The following DNM2 variants were observed in gnomAD, a reference collection of about 807,000 sequenced individuals.
The protein encoded by DNM2 is dynamin 2.
In DNM2, 15 loss-of-function variants were observed where a neutral mutation model predicts 99.0. The ratio of observed to expected loss-of-function variants is 0.15; its 90% CI spans 0.10 to 0.23. The LOEUF (loss-of-function observed/expected upper bound fraction) is 0.23. Ranked by LOEUF, DNM2 falls within the 10% of genes least tolerant of loss-of-function variation. DNM2 has a pLI of 1.00. For missense variants in DNM2, 742 were observed against 1,189.4 expected (o/e 0.62, Z 5.53); for synonymous variants, 525 against 481.2 (o/e 1.09, Z -1.19).
Position 10,796,298 on chromosome 19 carries a change from C to T in DNM2, c.1196+859C>T, listed in dbSNP as rs1032383765. ...GCGCCTCATTGGCCCCCACTGGTGCCTTTTCTCCCCATATCGCTTTGTGTC... is the reference window on the plus strand; with the variant it reads ...GCGCCTCATTGGCCCCCACTGGTGCTTTTTCTCCCCATATCGCTTTGTGTC... On this transcript the variant is annotated intron_variant, in intron 9 of 20. Transcript: ENST00000389253. The surrounding 1 kb of genome is among the most constrained non-coding windows in gnomAD (Gnocchi z 5.6). 7.1e-6 allele frequency: 11 copies of T among 1,557,632 alleles called. No homozygotes were observed. Among genetic ancestry groups the T allele is most frequent in the East Asian group, 4.5e-5 (2 of 44,554 alleles).
intron 10 of DNM2, among the ~76,000 whole-genome samples, chr19:10,798,115 C>T (rs1003981408): frequency 1.3e-5 from 2 of 152,214 alleles, no homozygotes; most frequent in African/African-American, 2.4e-5. Flanking sequence ...AGACGCTACT[C>T]ACTCACGCTG....
chr19:10,756,640 G>C (rs1325984234), intron 1 of DNM2, among the ~76,000 whole-genome samples: 3 of 152,166 alleles, frequency 2.0e-5, no homozygotes, highest in Admixed American at 2.0e-4. Flanking sequence ...CAGGCCTGGA[G>C]AGCTGACTGT....
intron 1 of DNM2, among the ~76,000 whole-genome samples, chr19:10,720,162 C>G (rs1353113769): frequency 6.6e-6 from 1 of 151,634 alleles, no homozygotes; most frequent in Non-Finnish European, 1.5e-5. Context: ...CTTGGCCTCT[C>G]TAAGTCTTGG....
intron 2 of DNM2, chr19:10,769,552 A>C (rs1037981134): frequency 8.6e-5 from 13 of 151,978 alleles, no homozygotes; most frequent in African/African-American, 1.9e-4. Context: ...GTCCCCCTGC[A>C]CTCTTTGAAG....
chr19:10,760,652 C>G (rs1013111328), intron 2 of DNM2, among the ~76,000 whole-genome samples: 10 of 151,782 alleles, frequency 6.6e-5, no homozygotes, highest in Non-Finnish European at 1.3e-4. Flanking sequence ...AGCAGCCTCC[C>G]CATAATCACT....
chr19:10,815,249 C>T (rs561799051), intron 15 of DNM2, among the ~76,000 whole-genome samples: 64 of 152,252 alleles, frequency 4.2e-4, no homozygotes, highest in African/African-American at 1.1e-3. Context: ...CTCTAGCAGC[C>T]CAAGAAGGGA....
At chr19:10,749,683 A>G (rs911183535) in intron 1 of DNM2, among the ~76,000 whole-genome samples, 5 of 152,204 alleles carry the variant, frequency 3.3e-5, no homozygotes, top group Non-Finnish European at 1.5e-5. Context: ...CTTCTTACCC[A>G]TTCAACAAAT....
Position 10,830,234 on chromosome 19 carries a change from C to T in DNM2, c.2399C>T (p.Ala800Val), listed in dbSNP as rs1050140753. The change falls in exon 20 of 21, where the codon GCA becomes GTA. Residue 800 changes from alanine to valine, a missense_variant. Physicochemically the swap from Ala to Val is moderately conservative, Grantham distance 64. Coordinates refer to ENST00000389253, the MANE Select transcript of DNM2 (RefSeq NM_001005361.3). This position sits in a 1 kb window ranked among gnomAD's most constrained non-coding sequence, Gnocchi z 4.8. ...GPPLIPVPVG[A>V]AASFSAPPIP... ...CCCCTGATTCCTGTTCCCGTGGGGG[C>T]AGCAGCCTCCTTCTCGGCGCCCCCA... 2.1e-5 allele frequency: 34 copies of T among 1,613,858 alleles called. No individual in the cohort carries two copies. Among genetic ancestry groups the T allele is most frequent in the South Asian group, 4.4e-5 (4 of 91,090 alleles).
rs370019989 is a variant in DNM2 at position 10,772,979 on chromosome 19, GTT to G, written c.385+368_385+369del. Among the ~76,000 whole-genome samples, 32 of 123,912 alleles carry G rather than the reference GTT, an allele frequency of 2.6e-4. No individual in the cohort carries two copies. The highest frequency in any genetic ancestry group is 8.9e-4 in the African/African-American group (29 of 32,442). 81.3% of individuals were successfully genotyped at this position (123,912 alleles called of 152,430 possible). On this transcript the variant is annotated intron_variant, in intron 3 of 20. Coordinates refer to ENST00000389253, the MANE Select transcript of DNM2 (RefSeq NM_001005361.3). This position sits in a 1 kb window ranked among gnomAD's most constrained non-coding sequence, Gnocchi z 4.9. ...ACCAGTCTTCTGTAAAATATCCTGG[GTT>G]TTTTTTTTTTTTTTTTGAGACAGAG...
chr19:10,817,379 C>T lies in DNM2; in HGVS notation c.1672-2601C>T, dbSNP rs771667110. ...GTGGTGGAAAATGACACTCACCTGCCGGCGAGTTTGGGGGGCCTGTCTCGA... is the reference window on the plus strand; with the variant it reads ...GTGGTGGAAAATGACACTCACCTGCTGGCGAGTTTGGGGGGCCTGTCTCGA... On this transcript the variant is annotated intron_variant, in intron 15 of 20. Transcript: ENST00000389253. This position sits in a 1 kb window ranked among gnomAD's most constrained non-coding sequence, Gnocchi z 4.6. 1.9e-5 allele frequency: 9 copies of T among 481,180 alleles called. No individual in the cohort carries two copies. The highest frequency in any genetic ancestry group is 3.0e-5 in the Non-Finnish European group (7 of 233,770). The allele number at this position is 481,180 out of a possible 1,614,324, so 29.8% of individuals were successfully genotyped here. A position where few individuals can be genotyped will look rare whatever the true frequency, so the allele number is the denominator to read the frequency against.
At position 10,795,297 on chromosome 19, in the gene DNM2, C is replaced by T. The variant is rs572360641; in HGVS notation, c.1129-75C>T. ...GAATATAGCCACACGTGGGAGAGAA[C>T]GTTCCCCAGATGCACGCCTGCCACG... On this transcript the variant is annotated intron_variant, in intron 8 of 20. Transcript: ENST00000389253. The surrounding 1 kb of genome is among the most constrained non-coding windows in gnomAD (Gnocchi z 4.2). 787 of 1,382,374 alleles carry T rather than the reference C, an allele frequency of 5.7e-4. 6 individuals are homozygous for T. The Middle Eastern group carries it at 6.2e-3, about 11-fold the overall frequency. The allele number at this position is 1,382,374 out of a possible 1,614,324, so 85.6% of individuals were successfully genotyped here.
At chr19:10,788,188 G>A (rs141010776) in intron 7 of DNM2, among the ~76,000 whole-genome samples, 46 of 150,974 alleles carry the variant, frequency 3.0e-4, no homozygotes, top group Admixed American at 9.3e-4. Context: ...AGCTGAGAAC[G>A]TGTCACTGCA....
chr19:10,807,539 CTTTTTTTTTT>C (rs763788862), intron 13 of DNM2, among the ~76,000 whole-genome samples: 6 of 91,220 alleles, frequency 6.6e-5, no homozygotes, highest in Non-Finnish European at 1.2e-4. Context: ...CACGTCCAGC[CTTTTTTTTTT>C]TTTTTTTTTT....
intron 1 of DNM2, among the ~76,000 whole-genome samples, chr19:10,738,325 G>A (rs773092847): frequency 4.1e-4 from 62 of 152,016 alleles, no homozygotes; most frequent in Non-Finnish European, 8.5e-4. Flanking sequence ...AGTATCAAAG[G>A]GCACGAGGTG....
At chr19:10,826,583 A>C (rs928652534) in intron 18 of DNM2, among the ~76,000 whole-genome samples, 1 of 152,162 alleles carries the variant, frequency 6.6e-6, no homozygotes, top group African/African-American at 2.4e-5. Flanking sequence ...GCCACTCAGG[A>C]AGCTTTATAA....
At chr19:10,773,656 C>CG (rs2071057843) in intron 3 of DNM2, among the ~76,000 whole-genome samples, 1 of 151,164 alleles carries the variant, frequency 6.6e-6, no homozygotes, top group Non-Finnish European at 1.5e-5. Context: ...TTAGTAGAGA[C>CG]GGGGTTTCAC....
chr19:10,827,939 T>C (rs1242122603), intron 18 of DNM2, among the ~76,000 whole-genome samples: 4 of 151,700 alleles, frequency 2.6e-5, no homozygotes, highest in Admixed American at 2.6e-4. Flanking sequence ...GGACAATGTA[T>C]AAAATTCATG....
intron 1 of DNM2, chr19:10,755,238 C>T (rs1011087396): frequency 1.5e-4 from 23 of 152,176 alleles, no homozygotes; most frequent in African/African-American, 5.3e-4. Context: ...GATTCGACCA[C>T]GAAAAGGAAT....
rs138045735 is a variant in DNM2 at position 10,757,716 on chromosome 19, G to A, written c.162-2022G>A. On this transcript the variant is annotated intron_variant, in intron 1 of 20. Transcript: ENST00000389253. ...ACCCAGCACTTTGGGAGGCCAAGGC[G>A]GGCAGATCACCTGAGGTTGAGTTCG... 2.6e-5 allele frequency among the ~76,000 whole-genome samples: 4 copies of A among 152,160 alleles called. No homozygotes were observed. In the East Asian group the frequency reaches 5.8e-4, roughly 22 times the overall value.
Sources: allele counts gnomAD v4.1 joint callset (sites outside exome capture counted in the v4.1 genomes callset), GRCh38; gene constraint gnomAD v4.1.1; non-coding constraint Gnocchi (gnomAD v3.1); transcripts MANE v1.5; gene names NCBI Gene and HGNC (gene_info 2026-07-23, HGNC 2026-07-21).